PSMA2: variants seen among roughly 807,000 people sequenced by gnomAD.
PSMA2 encodes the protein proteasome 20S subunit alpha 2.
Under a neutral mutation model 35.9 loss-of-function variants are expected in PSMA2, and 2 were observed. That is an observed-to-expected ratio of 0.06 (90% CI 0.02 to 0.18). The LOEUF (loss-of-function observed/expected upper bound fraction) is 0.18, where lower values mean the gene tolerates loss of function less well. PSMA2 is among the 10% of genes least tolerant of loss of function. The pLI is 1.00. For synonymous variants in PSMA2, 97 were observed against 98.2 expected (o/e 0.99, Z 0.07); for missense variants, 126 against 278.8 (o/e 0.45, Z 3.90).
chr7:42,926,915 A>C (rs1386466771), intron 2 of PSMA2, among the ~76,000 whole-genome samples: 1 of 152,184 alleles, frequency 6.6e-6, no homozygotes, highest in East Asian at 1.9e-4. Flanking sequence ...TTTGTAAAGC[A>C]CTCTAAGGAT....
At chr7:42,931,978 T>C (rs1786321731) in intron 1 of PSMA2, 140 bp downstream of exon 1, 2 of 1,168,398 alleles carry the variant, frequency 1.7e-6, no homozygotes, top group Admixed American at 1.8e-5. Context: ...GGCAAATGAC[T>C]TTGCAAAGCC....
intron 1 of PSMA2, among the ~76,000 whole-genome samples, chr7:42,928,574 GA>G (rs1786248398): frequency 6.6e-6 from 1 of 152,210 alleles, no homozygotes; most frequent in Non-Finnish European, 1.5e-5. Context: ...TGTTTAAATG[GA>G]ATCATCATAA....
intron 2 of PSMA2, 75 bp downstream of exon 2, chr7:42,927,303 ATAAAT>A: frequency 7.8e-7 from 1 of 1,277,752 alleles, no homozygotes. Context: ...GCAGCTCTGT[ATAAAT>A]TAATTACTAA....
chr7:42,917,312 T>A lies in PSMA2; in HGVS notation c.*262A>T, dbSNP rs935599337. ...AAATTGCCTGACAACGAAAAAGTCA[T>A]TTCATCATTCTGCTTGGCAATGTAG... On this transcript the variant is annotated 3_prime_UTR_variant, in exon 8 of 8. Coordinates refer to ENST00000223321, the MANE Select transcript of PSMA2 (RefSeq NM_002787.5). The A allele has an allele frequency of 1.7e-5, 5 of 289,516 alleles. No individual in the cohort carries two copies. Among genetic ancestry groups the A allele is most frequent in the African/African-American group, 6.6e-5 (3 of 45,502 alleles). 17.9% of individuals were successfully genotyped at this position (289,516 alleles called of 1,614,324 possible).
intron 5 of PSMA2, 107 bp downstream of exon 5, chr7:42,923,218 A>G: frequency 1.2e-6 from 1 of 857,194 alleles, no homozygotes; most frequent in Non-Finnish European, 1.8e-6. Context: ...GCCCAAGAGA[A>G]AAGAAGAAAA....
At chr7:42,919,422 T>C (rs1211832686) in intron 6 of PSMA2, 10 of 555,112 alleles carry the variant, frequency 1.8e-5, no homozygotes, top group Non-Finnish European at 3.2e-5. Context: ...GTTTTGCATA[T>C]ATGACTTGAA....
intron 1 of PSMA2, among the ~76,000 whole-genome samples, chr7:42,930,650 C>T (rs912411832): frequency 6.6e-6 from 1 of 152,050 alleles, no homozygotes; most frequent in Non-Finnish European, 1.5e-5. Flanking sequence ...ATTACACTTT[C>T]TTCGCGATAA....
In PSMA2 at chr7:42,923,305, A is replaced by G. The variant is rs1290412713; in HGVS notation, c.456+20T>C. 6.4e-7 allele frequency: 1 copy of G among 1,559,734 alleles called. No individual in the cohort carries two copies. The highest frequency in any genetic ancestry group is 8.8e-7 in the Non-Finnish European group (1 of 1,132,088). Reference sequence around the variant, plus strand: ...AGAGCACTTTTAACAAATCCCTCAAATACATTAAATGATACTTACAGATGG... The same window carrying G: ...AGAGCACTTTTAACAAATCCCTCAAGTACATTAAATGATACTTACAGATGG... On this transcript the variant is annotated intron_variant, in intron 5 of 7. Coordinates refer to ENST00000223321, the MANE Select transcript of PSMA2 (RefSeq NM_002787.5).
At chr7:42,919,505 G>A (rs1014237019) in intron 6 of PSMA2, 2 of 514,314 alleles carry the variant, frequency 3.9e-6, no homozygotes, top group Admixed American at 2.3e-5. Flanking sequence ...GGTACAGTGA[G>A]GATAAACAGA....
chr7:42,929,542 T>A (rs7458230), intron 1 of PSMA2, among the ~76,000 whole-genome samples: 2 of 152,292 alleles, frequency 1.3e-5, no homozygotes, highest in South Asian at 2.1e-4. Context: ...TTATATTCCA[T>A]AATGCCACTA....
At chr7:42,923,447 T>C (rs1786158088) in intron 4 of PSMA2, 41 bp from the exon 5 acceptor site, 3 of 1,487,114 alleles carry the variant, frequency 2.0e-6, no homozygotes, top group South Asian at 2.3e-5. Context: ...ATTTTCATGG[T>C]GTTAAAGTCA....
intron 1 of PSMA2, among the ~76,000 whole-genome samples, chr7:42,927,926 C>CAGAA (rs941467074): frequency 6.6e-6 from 1 of 150,934 alleles, no homozygotes; most frequent in Non-Finnish European, 1.5e-5. Context: ...AAGAGAAAGA[C>CAGAA]AGAAAGAAAG....
chr7:42,931,525 C>T (rs1273897323), intron 1 of PSMA2, among the ~76,000 whole-genome samples: 1 of 43,388 alleles, frequency 2.3e-5, no homozygotes, highest in Non-Finnish European at 6.0e-5. Context: ...AAAACTCAAA[C>T]TTGCCTCGTT....
rs1050300218 is a variant in PSMA2 at position 42,927,477 on chromosome 7, T to C, written c.42-18A>G. On this transcript the variant is annotated intron_variant, in intron 1 of 7. Transcript: ENST00000223321. ...CAGACGGGCTTAAAAGAAACACAGG[T>C]ATTTGTAAGTTCACATATCATCAAA... 2 of 1,605,248 alleles carry C rather than the reference T, an allele frequency of 1.2e-6. No individual in the cohort carries two copies. Among genetic ancestry groups the C allele is most frequent in the Admixed American group, 3.3e-5 (2 of 59,988 alleles).
At chr7:42,927,314 A>G in intron 2 of PSMA2, 69 bp downstream of exon 2, 1 of 1,344,938 alleles carries the variant, frequency 7.4e-7, no homozygotes, top group Non-Finnish European at 1.1e-6. Context: ...TAAATTAATT[A>G]CTAATGAATT....
chr7:42,917,114 T>C lies in PSMA2; in HGVS notation c.*460A>G, dbSNP rs1786043468. On this transcript the variant is annotated 3_prime_UTR_variant, in exon 8 of 8. Coordinates refer to ENST00000223321, the MANE Select transcript of PSMA2 (RefSeq NM_002787.5). ...CCCTAGGATTTCACTGATCAATACC[T>C]AATGGCACCTAAAAGTACCTATGCT... 6.1e-6 allele frequency: 1 copy of C among 164,878 alleles called. No homozygotes were observed. Among genetic ancestry groups the C allele is most frequent in the Non-Finnish European group, 1.3e-5 (1 of 76,514 alleles). The allele number at this position is 164,878 out of a possible 1,614,324, so 10.2% of individuals were successfully genotyped here.
intron 5 of PSMA2, 43 bp downstream of exon 5, chr7:42,923,282 A>T: frequency 1.4e-6 from 2 of 1,402,222 alleles, no homozygotes; most frequent in Non-Finnish European, 2.0e-6. Context: ...ATATTCAAAG[A>T]GCACTTTTAA....
intron 1 of PSMA2, among the ~76,000 whole-genome samples, chr7:42,928,436 T>C (rs1479610250): frequency 6.6e-6 from 1 of 152,236 alleles, no homozygotes; most frequent in Non-Finnish European, 1.5e-5. Context: ...AAGTATTCTC[T>C]ATATAATATA....
intron 2 of PSMA2, 91 bp from the exon 3 acceptor site, chr7:42,926,759 C>A: frequency 7.7e-7 from 1 of 1,293,140 alleles, no homozygotes; most frequent in Non-Finnish European, 1.0e-6. Flanking sequence ...ACGCAAACTC[C>A]TTTATTTCCT....
Sources: gnomAD v4.1 joint callset for allele counts (sites outside exome capture counted in the v4.1 genomes callset) on GRCh38, gnomAD v4.1.1 for gene constraint, MANE v1.5 for transcripts, NCBI Gene and HGNC (gene_info 2026-07-23, HGNC 2026-07-21) for gene names.